The following EEFSEC variants were observed in gnomAD, a reference collection of about 807,000 sequenced individuals.
EEFSEC encodes eukaryotic elongation factor, selenocysteine-tRNA specific.
A neutral mutation model predicts 42.1 loss-of-function variants in EEFSEC; 43 were observed. The observed-to-expected ratio is 1.02, with a 90% CI of 0.80 to 1.32. The LOEUF is 1.32. Ranked by LOEUF, EEFSEC falls within the 40% of genes most tolerant of loss-of-function variation. The probability of loss-of-function intolerance (pLI) is 0.00; values close to 1 mark genes in which losing one functional copy is unlikely to be tolerated. For missense variants in EEFSEC, 745 were observed against 803.6 expected, an observed-to-expected ratio of 0.93 and a Z score of 0.88; for synonymous variants, 354 against 339.1, an observed-to-expected ratio of 1.04 and a Z score of -0.48.
chr3:128,348,255 T>TGTGTGTGTGTGTGTGCGTGTGC (rs1364663938), intron 5 of EEFSEC, among the ~76,000 whole-genome samples: 3 of 129,384 alleles, frequency 2.3e-5, no homozygotes, highest in African/African-American at 1.1e-4. Flanking sequence ...TGTGCATGCG[T>TGTGTGTGTGTGTGTGCGTGTGC]GTGTGTGTGT....
chr3:128,197,251 C>T (rs1469245302), intron 1 of EEFSEC, among the ~76,000 whole-genome samples: 1 of 152,164 alleles, frequency 6.6e-6, no homozygotes, highest in African/African-American at 2.4e-5. Context: ...GGGCTAGAAT[C>T]CTGGAGGCGG....
chr3:128,256,989 C>T (rs1029319258), intron 2 of EEFSEC, among the ~76,000 whole-genome samples: 6 of 152,186 alleles, frequency 3.9e-5, no homozygotes, highest in Admixed American at 3.3e-4. Context: ...AAGTGATCCT[C>T]CTGCCTCTGC....
At chr3:128,402,157 C>G (rs1457567917) in intron 6 of EEFSEC, among the ~76,000 whole-genome samples, 1 of 152,186 alleles carries the variant, frequency 6.6e-6, no homozygotes, top group African/African-American at 2.4e-5. Context: ...CAGTAGAAGC[C>G]TTGGGAAATA....
chr3:128,280,792 C>T (rs1335516038), intron 4 of EEFSEC, among the ~76,000 whole-genome samples: 1 of 152,220 alleles, frequency 6.6e-6, no homozygotes, highest in African/African-American at 2.4e-5. Flanking sequence ...TCACTAGCCG[C>T]CCTGCATGAT....
At chr3:128,156,306 T>C (rs1302557541) in intron 1 of EEFSEC, among the ~76,000 whole-genome samples, 2 of 152,206 alleles carry the variant, frequency 1.3e-5, no homozygotes, top group African/African-American at 4.8e-5. Context: ...AGCGTGGTGG[T>C]TACCATTTAA....
chr3:128,171,563 T>G (rs1204083761), intron 1 of EEFSEC, among the ~76,000 whole-genome samples: 1 of 152,208 alleles, frequency 6.6e-6, no homozygotes, highest in Non-Finnish European at 1.5e-5. Context: ...AGATGTGGGC[T>G]TCAGTCATCA....
At chr3:128,351,176 A>G (rs1029820149) in intron 5 of EEFSEC, among the ~76,000 whole-genome samples, 1 of 152,056 alleles carries the variant, frequency 6.6e-6, no homozygotes, top group South Asian at 2.1e-4. Context: ...GGTGTTGAGT[A>G]CATGTTCTGT....
At chr3:128,311,429 C>T (rs773995619) in intron 4 of EEFSEC, among the ~76,000 whole-genome samples, 7 of 152,228 alleles carry the variant, frequency 4.6e-5, no homozygotes, top group Non-Finnish European at 8.8e-5. Flanking sequence ...GATTTTAGCT[C>T]CACAGTTGTG....
At chr3:128,257,771 A>T (rs1459779427) in intron 2 of EEFSEC, among the ~76,000 whole-genome samples, 1 of 152,190 alleles carries the variant, frequency 6.6e-6, no homozygotes, top group African/African-American at 2.4e-5. Flanking sequence ...TTCAGCATAA[A>T]GGTCAGGAGG....
intron 5 of EEFSEC, among the ~76,000 whole-genome samples, chr3:128,347,548 T>C (rs531987487): frequency 2.1e-4 from 32 of 152,180 alleles, no homozygotes; most frequent in Admixed American, 4.6e-4. Flanking sequence ...GAGGAGAAAC[T>C]GGAATGAATT....
intron 5 of EEFSEC, among the ~76,000 whole-genome samples, chr3:128,349,919 T>C (rs1271610411): frequency 6.6e-6 from 1 of 152,202 alleles, no homozygotes; most frequent in East Asian, 1.9e-4. Flanking sequence ...ATTTGGACTT[T>C]CCTCTGGAAA....
chr3:128,250,220 T>C (rs1422865431), intron 2 of EEFSEC, among the ~76,000 whole-genome samples: 1 of 152,200 alleles, frequency 6.6e-6, no homozygotes, highest in Non-Finnish European at 1.5e-5. Context: ...TTCACTTCGT[T>C]GATAGTGTCC....
At chr3:128,216,967 A>G (rs1363661438) in intron 1 of EEFSEC, among the ~76,000 whole-genome samples, 1 of 152,242 alleles carries the variant, frequency 6.6e-6, no homozygotes, top group Admixed American at 6.5e-5. Context: ...ACACGTACAT[A>G]TGTAGCTCAA....
chr3:128,311,260 TA>T (rs2066886773), intron 4 of EEFSEC, among the ~76,000 whole-genome samples: 1 of 152,256 alleles, frequency 6.6e-6, no homozygotes, highest in Admixed American at 6.5e-5. Flanking sequence ...GAAGTGTAAC[TA>T]ATTCTCCTTT....
chr3:128,185,920 G>A (rs2065460240), intron 1 of EEFSEC, among the ~76,000 whole-genome samples: 1 of 152,122 alleles, frequency 6.6e-6, no homozygotes, highest in Admixed American at 6.5e-5. Context: ...ACATGTTTTT[G>A]TGTAAACATA....
chr3:128,234,779 A>T (rs1039468052), intron 1 of EEFSEC, among the ~76,000 whole-genome samples: 3 of 152,220 alleles, frequency 2.0e-5, no homozygotes. Flanking sequence ...TGATGTGTGC[A>T]CAGATATGGT....
chr3:128,255,703 T>C (rs1219802227), intron 2 of EEFSEC, among the ~76,000 whole-genome samples: 2 of 152,164 alleles, frequency 1.3e-5, no homozygotes, highest in East Asian at 1.9e-4. Context: ...TTTTGAAATA[T>C]GAGAAGAAGG....
At chr3:128,331,253 C>CT (rs1272143538) in intron 4 of EEFSEC, among the ~76,000 whole-genome samples, 1 of 45,312 alleles carries the variant, frequency 2.2e-5, no homozygotes, top group African/African-American at 1.0e-4. Flanking sequence ...CCCCTCTTCC[C>CT]CCCTTCCTCA....
intron 1 of EEFSEC, among the ~76,000 whole-genome samples, chr3:128,222,121 C>G (rs1488168791): frequency 4.0e-5 from 6 of 151,498 alleles, no homozygotes; most frequent in Middle Eastern, 3.4e-3. Flanking sequence ...GCAACCTCCC[C>G]CTCCGGGGTT....
Sources: gnomAD v4.1 joint callset for allele counts (sites outside exome capture counted in the v4.1 genomes callset) on GRCh38, gnomAD v4.1.1 for gene constraint, MANE v1.5 for transcripts, NCBI Gene and HGNC (gene_info 2026-07-23, HGNC 2026-07-21) for gene names.